AGBL4: variants seen among roughly 807,000 people sequenced by gnomAD.
The protein encoded by AGBL4 is AGBL carboxypeptidase 4, also known as cytosolic carboxypeptidase 6.
Under a neutral mutation model 66.4 loss-of-function variants are expected in AGBL4, and 58 were observed. The ratio of observed to expected loss-of-function variants is 0.87; its 90% CI spans 0.71 to 1.09. AGBL4 has a LOEUF of 1.09. AGBL4 is among the 50% of genes least tolerant of loss of function. The pLI is 0.00. For missense variants in AGBL4, 579 were observed against 631.0 expected (o/e 0.92, Z 0.88); for synonymous variants, 234 against 222.9 (o/e 1.05, Z -0.44).
At chr1:49,732,893 C>A (rs1649562755) in intron 2 of AGBL4, among the ~76,000 whole-genome samples, 1 of 151,992 alleles carries the variant, frequency 6.6e-6, no homozygotes, top group South Asian at 2.1e-4. Flanking sequence ...AAACATGAAT[C>A]TACAGATCCA....
Position 48,752,938 on chromosome 1 carries a change from C to T in AGBL4, c.635-89697G>A, listed in dbSNP as rs180928528. On this transcript the variant is annotated intron_variant, in intron 6 of 13. Coordinates refer to ENST00000371839, the MANE Select transcript of AGBL4 (RefSeq NM_032785.4). ...CTAATTTTTGTATTTTTAGTAGAGG[C>T]GGGGTTTCACCATGTTGGCCAGGAT... Among the ~76,000 whole-genome samples the T allele has an allele frequency of 3.3e-3, 496 of 152,158 alleles. 3 individuals carry two copies. Among genetic ancestry groups the T allele is most frequent in the African/African-American group, 0.01 (427 of 41,528 alleles).
intron 6 of AGBL4, among the ~76,000 whole-genome samples, chr1:48,686,885 G>A (rs1646541025): frequency 6.6e-6 from 1 of 152,202 alleles, no homozygotes. Flanking sequence ...AGTGACTCTG[G>A]AGATACTTCC....
At chr1:49,253,545 C>CA (rs962852444) in intron 3 of AGBL4, among the ~76,000 whole-genome samples, 21 of 151,886 alleles carry the variant, frequency 1.4e-4, no homozygotes, top group African/African-American at 5.1e-4. Context: ...GCCTACCAAC[C>CA]AAAAAAAGCT....
intron 2 of AGBL4, among the ~76,000 whole-genome samples, chr1:49,728,251 T>A (rs1484343419): frequency 2.6e-5 from 4 of 152,150 alleles, no homozygotes; most frequent in African/African-American, 9.7e-5. Flanking sequence ...CCAGCATAAC[T>A]ACAATTACAT....
At chr1:48,936,081 G>A (rs1361803504) in intron 5 of AGBL4, among the ~76,000 whole-genome samples, 1 of 149,276 alleles carries the variant, frequency 6.7e-6, no homozygotes, top group East Asian at 2.1e-4. Context: ...GAGGCCAGGA[G>A]CTTGAGACCA....
At chr1:49,027,766 T>A (rs1051628985) in intron 5 of AGBL4, among the ~76,000 whole-genome samples, 3 of 152,124 alleles carry the variant, frequency 2.0e-5, no homozygotes, top group Admixed American at 1.3e-4. Flanking sequence ...ACTCATAGAA[T>A]GAAAACTCTA....
intron 3 of AGBL4, among the ~76,000 whole-genome samples, chr1:49,660,953 G>A (rs1646257681): frequency 6.6e-6 from 1 of 151,816 alleles, no homozygotes; most frequent in Admixed American, 6.6e-5. Flanking sequence ...GCCTGTTGGG[G>A]GGTCATGCAG....
intron 3 of AGBL4, among the ~76,000 whole-genome samples, chr1:49,444,239 T>C (rs1435110459): frequency 6.6e-6 from 1 of 152,034 alleles, no homozygotes; most frequent in Non-Finnish European, 1.5e-5. Flanking sequence ...TTCTGTAGTT[T>C]TGGATAGAAT....
chr1:48,915,036 C>T (rs17105173), intron 5 of AGBL4, among the ~76,000 whole-genome samples: 12,386 of 152,230 alleles, frequency 0.081, 679 homozygotes, highest in East Asian at 0.17. Context: ...CTGATTCGTC[C>T]GTGAGGAAAT....
intron 2 of AGBL4, among the ~76,000 whole-genome samples, chr1:49,770,875 G>A (rs1644036723): frequency 6.6e-6 from 1 of 151,868 alleles, no homozygotes; most frequent in African/African-American, 2.4e-5. Context: ...TCTCATCTCT[G>A]ATTTTATTTA....
At chr1:49,264,360 G>T (rs1653520817) in intron 3 of AGBL4, among the ~76,000 whole-genome samples, 1 of 152,160 alleles carries the variant, frequency 6.6e-6, no homozygotes, top group Non-Finnish European at 1.5e-5. Flanking sequence ...AAAATATGAA[G>T]TAGAATAATG....
At chr1:49,638,485 G>C (rs536911652) in intron 3 of AGBL4, among the ~76,000 whole-genome samples, 18 of 152,142 alleles carry the variant, frequency 1.2e-4, no homozygotes, top group African/African-American at 4.3e-4. Flanking sequence ...CAAGAAGTAC[G>C]GATATAGTTT....
At chr1:49,076,435 G>C (rs141321067) in intron 4 of AGBL4, among the ~76,000 whole-genome samples, 1 of 152,132 alleles carries the variant, frequency 6.6e-6, no homozygotes, top group Non-Finnish European at 1.5e-5. Flanking sequence ...GAGACAGGGA[G>C]GCCCAATTGT....
chr1:49,288,376 A>G (rs1453307659), intron 3 of AGBL4, among the ~76,000 whole-genome samples: 2 of 151,846 alleles, frequency 1.3e-5, no homozygotes, highest in Non-Finnish European at 2.9e-5. Context: ...AAAAAAAAAA[A>G]GAAAGAAAGT....
chr1:49,825,629 A>G (rs1187240642), intron 2 of AGBL4, among the ~76,000 whole-genome samples: 8 of 152,154 alleles, frequency 5.3e-5, no homozygotes, highest in African/African-American at 1.7e-4. Context: ...ATTAAAGCAG[A>G]TTGCCCTCCA....
chr1:49,233,191 G>C (rs1266569736), intron 4 of AGBL4, among the ~76,000 whole-genome samples: 1 of 152,082 alleles, frequency 6.6e-6, no homozygotes, highest in Admixed American at 6.5e-5. Context: ...ATAAATCACA[G>C]GGAAAAACAT....
At chr1:49,198,769 G>A (rs1484289014) in intron 4 of AGBL4, among the ~76,000 whole-genome samples, 1 of 149,438 alleles carries the variant, frequency 6.7e-6, no homozygotes, top group Non-Finnish European at 1.5e-5. Context: ...CTAGTTACCT[G>A]ACCATTTCTT....
At chr1:49,545,532 A>G (rs1652404342) in intron 3 of AGBL4, among the ~76,000 whole-genome samples, 2 of 152,348 alleles carry the variant, frequency 1.3e-5, no homozygotes, top group South Asian at 4.1e-4. Flanking sequence ...ATGTTGGGGT[A>G]AAATTGTTAT....
intron 1 of AGBL4, chr1:49,994,176 T>C (rs956033414): frequency 6.6e-6 from 1 of 152,140 alleles, no homozygotes. Flanking sequence ...AAGTGGCACA[T>C]ACAATAGTAC....
Sources: allele counts gnomAD v4.1 joint callset (sites outside exome capture counted in the v4.1 genomes callset), GRCh38; gene constraint gnomAD v4.1.1; transcripts MANE v1.5; gene names NCBI Gene and HGNC (gene_info 2026-07-23, HGNC 2026-07-21).